Variants in SLC35H1 observed in about 807,000 individuals in gnomAD.
The protein encoded by SLC35H1 is ovarian cancer-overexpressed gene 1 protein.
the SLC35H1 span, among the ~76,000 whole-genome samples, chr20:46,353,545 C>T: frequency 6.6e-6 from 1 of 152,160 alleles, no homozygotes; most frequent in Non-Finnish European, 1.5e-5. Flanking sequence ...GAGTGACAGT[C>T]CCCCCAGGCA....
the SLC35H1 span, chr20:46,355,066 T>G: frequency 3.3e-5 from 53 of 1,613,914 alleles, no homozygotes; most frequent in Middle Eastern, 1.6e-4. This position sits in a 1 kb window ranked among gnomAD's most constrained non-coding sequence, Gnocchi z 4.8. Context: ...GAGTGGCACG[T>G]GCTCACCGAG....
chr20:46,356,732 T>G, the SLC35H1 span: 1 of 1,224,746 alleles, frequency 8.2e-7, no homozygotes, highest in South Asian at 1.3e-5. Context: ...CCCCCACTTC[T>G]GAACCATCCC....
chr20:46,358,263 C>T, the SLC35H1 span: 96 of 918,588 alleles, frequency 1.0e-4, 1 homozygote, highest in East Asian at 2.1e-3. Context: ...TCCAGCCCAG[C>T]CGTGACTGGC....
the SLC35H1 span, chr20:46,354,985 C>A: frequency 6.2e-7 from 1 of 1,613,888 alleles, no homozygotes; most frequent in East Asian, 2.2e-5. Context: ...GGGGGACAGG[C>A]ACCATCAGGT....
the SLC35H1 span, chr20:46,358,432 G>A: frequency 6.2e-7 from 1 of 1,614,122 alleles, no homozygotes; most frequent in Non-Finnish European, 8.5e-7. Context: ...TGGAGAAGCA[G>A]TAGTAGAGAA....
the SLC35H1 span, chr20:46,352,551 C>A: frequency 7.8e-6 from 2 of 255,252 alleles, no homozygotes; most frequent in South Asian, 1.2e-4. Context: ...GGGATCCTAG[C>A]GGGATGATGG....
At chr20:46,354,829 G>A in the SLC35H1 span, 1 of 1,464,030 alleles carries the variant, frequency 6.8e-7, no homozygotes, top group South Asian at 1.2e-5. Flanking sequence ...CTCAGGGCGA[G>A]GATCTGTGGT....
At chr20:46,358,328 T>C in the SLC35H1 span, 14 of 1,466,132 alleles carry the variant, frequency 9.5e-6, no homozygotes, top group Non-Finnish European at 1.3e-5. Flanking sequence ...AAGGGCACCG[T>C]AGCCATGGCT....
At chr20:46,355,931 C>G in the SLC35H1 span, 1 of 1,606,872 alleles carries the variant, frequency 6.2e-7, no homozygotes, top group Middle Eastern at 1.7e-4. This position sits in a 1 kb window ranked among gnomAD's most constrained non-coding sequence, Gnocchi z 4.8. Flanking sequence ...GACCCATCAC[C>G]GAGAAAGGAG....
At chr20:46,363,580 CT>C in the SLC35H1 span, among the ~76,000 whole-genome samples, 1 of 152,256 alleles carries the variant, frequency 6.6e-6, no homozygotes, top group Non-Finnish European at 1.5e-5. Flanking sequence ...AAATCCTGCC[CT>C]GTCAGTTCCA....
At chr20:46,352,060 G>C in the SLC35H1 span, 1 of 1,614,148 alleles carries the variant, frequency 6.2e-7, no homozygotes, top group Non-Finnish European at 8.5e-7. Context: ...CCTTAAAAAT[G>C]CCGGCAATGG....
chr20:46,363,261 C>T, the SLC35H1 span: 1 of 152,222 alleles, frequency 6.6e-6, no homozygotes, highest in South Asian at 2.1e-4. Context: ...AACCTGGCTT[C>T]TCTTCTCTCT....
the SLC35H1 span, among the ~76,000 whole-genome samples, chr20:46,362,776 T>TTTGTTG: frequency 2.0e-5 from 3 of 152,128 alleles, no homozygotes; most frequent in African/African-American, 7.2e-5. Flanking sequence ...CTCTATTCTT[T>TTTGTTG]TTGTTGTTGT....
chr20:46,362,653 G>C, the SLC35H1 span, among the ~76,000 whole-genome samples: 1 of 152,160 alleles, frequency 6.6e-6, no homozygotes, highest in African/African-American at 2.4e-5. Flanking sequence ...CTTCCCCAGA[G>C]GACCCCGCAC....
At chr20:46,356,658 A>C in the SLC35H1 span, 1 of 1,611,484 alleles carries the variant, frequency 6.2e-7, no homozygotes, top group South Asian at 1.1e-5. Context: ...ACAGGCACCC[A>C]CAGGACAGCT....
At chr20:46,351,030 A>C in the SLC35H1 span, 204 of 1,173,518 alleles carry the variant, frequency 1.7e-4, no homozygotes, top group Non-Finnish European at 2.3e-4. Context: ...AGGCAGGCAG[A>C]GAGGTCAGGG....
the SLC35H1 span, among the ~76,000 whole-genome samples, chr20:46,351,073 C>T: frequency 6.6e-6 from 1 of 152,230 alleles, no homozygotes; most frequent in Non-Finnish European, 1.5e-5. Flanking sequence ...GTCCCGCCAG[C>T]CTCCTTTTGT....
At chr20:46,360,126 T>C in the SLC35H1 span, among the ~76,000 whole-genome samples, 2 of 152,222 alleles carry the variant, frequency 1.3e-5, no homozygotes, top group Non-Finnish European at 2.9e-5. Flanking sequence ...GACATCCATA[T>C]AGGTGAAAGA....
the SLC35H1 span, chr20:46,358,510 T>C: frequency 3.2e-4 from 519 of 1,614,162 alleles, 1 homozygote; most frequent in African/African-American, 6.0e-3. Context: ...TCCCCATTCG[T>C]GGCGGCTGCA....
Sources: allele counts gnomAD v4.1 joint callset (sites outside exome capture counted in the v4.1 genomes callset), GRCh38; gene constraint gnomAD v4.1.1; non-coding constraint Gnocchi (gnomAD v3.1); transcripts MANE v1.5; gene names NCBI Gene and HGNC (gene_info 2026-07-23, HGNC 2026-07-21).